PLCG2: variants seen among roughly 807,000 people sequenced by gnomAD.
PLCG2 encodes the protein phospholipase C gamma 2.
A neutral mutation model predicts 175.6 loss-of-function variants in PLCG2; 69 were observed. The ratio of observed to expected loss-of-function variants is 0.39; its 90% CI spans 0.32 to 0.48. PLCG2 has a LOEUF of 0.48. PLCG2 is among the 20% of genes least tolerant of loss of function. The pLI is 0.91. For missense variants in PLCG2, 1,798 were observed against 1,650.9 expected, an observed-to-expected ratio of 1.09 and a Z score of -1.54; for synonymous variants, 827 against 624.0, an observed-to-expected ratio of 1.33 and a Z score of -4.85.
At chr16:81,764,567 C>T (rs779254156) in intron 2 of PLCG2, among the ~76,000 whole-genome samples, 1 of 152,200 alleles carries the variant, frequency 6.6e-6, no homozygotes, top group Non-Finnish European at 1.5e-5. Flanking sequence ...ACCCTCCAGC[C>T]CATGCAGTTG....
intron 2 of PLCG2, chr16:81,767,043 A>G (rs757349138): frequency 6.6e-6 from 1 of 151,736 alleles, no homozygotes; most frequent in Non-Finnish European, 1.5e-5. Context: ...ACTCGTGCAC[A>G]GCTGAGTCTT....
intron 8 of PLCG2, 30 bp downstream of exon 8, chr16:81,880,983 C>A: frequency 6.2e-7 from 1 of 1,610,368 alleles, no homozygotes. Context: ...TCGTTCGGGG[C>A]GGCTGTGCCG....
chr16:81,857,590 T>G (rs750916419), intron 3 of PLCG2, among the ~76,000 whole-genome samples: 1 of 152,094 alleles, frequency 6.6e-6, no homozygotes. Flanking sequence ...TGTGCTCACA[T>G]GGCTTTTCCT....
chr16:81,806,698 G>T (rs1904282802), intron 2 of PLCG2, among the ~76,000 whole-genome samples: 1 of 152,102 alleles, frequency 6.6e-6, no homozygotes, highest in East Asian at 1.9e-4. Context: ...GGATCATGAG[G>T]GTCCAGGTGT....
intron 2 of PLCG2, among the ~76,000 whole-genome samples, chr16:81,802,879 C>A (rs1490123349): frequency 1.3e-5 from 2 of 152,128 alleles, no homozygotes; most frequent in East Asian, 1.9e-4. Flanking sequence ...ACATTGTATA[C>A]CCTATAATGT....
chr16:81,931,938 A>G (rs540785450), intron 25 of PLCG2, among the ~76,000 whole-genome samples: 4 of 152,304 alleles, frequency 2.6e-5, no homozygotes, highest in South Asian at 4.1e-4. Context: ...GCGGCCCTAC[A>G]TATCTTACCA....
rs543220131 is a variant in PLCG2 at position 81,750,663 on chromosome 16, A to ATTTTTTTTTTTTTTTTTT, written c.-144-5202_-144-5185dup. ...TTAAAAAGCAGAATGGGGACTGGAG[A>ATTTTTTTTTTTTTTTTTT]TTTTTTTTTTTTTTTTTTTTTTGAG... On this transcript the variant is annotated intron_variant, in intron 1 of 5. Coordinates refer to the PLCG2 transcript ENST00000565054. Among the ~76,000 whole-genome samples, 73 of 68,450 alleles carry ATTTTTTTTTTTTTTTTTT rather than the reference A, an allele frequency of 1.1e-3. 13 individuals are homozygous for ATTTTTTTTTTTTTTTTTT. The highest frequency in any genetic ancestry group is 1.8e-3 in the East Asian group (3 of 1,624). 44.9% of individuals were successfully genotyped at this position (68,450 alleles called of 152,430 possible).
intron 2 of PLCG2, among the ~76,000 whole-genome samples, chr16:81,805,783 G>GCTGTTTTTTTTTTTTTTTT (rs1911990338): frequency 1.2e-5 from 1 of 82,918 alleles, no homozygotes; most frequent in Non-Finnish European, 2.2e-5. Context: ...TTTTTTTTTT[G>GCTGTTTTTTTTTTTTTTTT]TTTTTTTTTT....
intron 19 of PLCG2, 112 bp downstream of exon 19, chr16:81,912,828 C>A (rs1909689246): frequency 1.5e-6 from 2 of 1,297,684 alleles, no homozygotes; most frequent in South Asian, 1.6e-5. Context: ...CCTGCCCCCC[C>A]AGCATCAGCG....
chr16:81,850,754 C>T (rs915920907), intron 2 of PLCG2, among the ~76,000 whole-genome samples: 3 of 152,144 alleles, frequency 2.0e-5, no homozygotes, highest in African/African-American at 7.2e-5. Flanking sequence ...GAGCTTCTTC[C>T]TGTGTTGCAT....
At chr16:81,787,967 G>T (rs973185455) in intron 2 of PLCG2, among the ~76,000 whole-genome samples, 1 of 152,206 alleles carries the variant, frequency 6.6e-6, no homozygotes, top group Non-Finnish European at 1.5e-5. Flanking sequence ...TCAGTCATCT[G>T]TTGACGGACC....
chr16:81,752,649 A>G (rs568008170), intron 1 of PLCG2, among the ~76,000 whole-genome samples: 1 of 152,324 alleles, frequency 6.6e-6, no homozygotes, highest in East Asian at 1.9e-4. Flanking sequence ...CCAGAACAGA[A>G]TCACTGACCC....
chr16:81,805,998 CTAACTT>C (rs1912005033), intron 2 of PLCG2, among the ~76,000 whole-genome samples: 1 of 151,604 alleles, frequency 6.6e-6, no homozygotes, highest in South Asian at 2.1e-4. Flanking sequence ...AGAGGTGAAA[CTAACTT>C]TATTAATAAA....
intron 5 of PLCG2, among the ~76,000 whole-genome samples, chr16:81,867,165 C>G (rs750596273): frequency 6.6e-6 from 1 of 152,196 alleles, no homozygotes; most frequent in Non-Finnish European, 1.5e-5. Flanking sequence ...TGGACCGTCT[C>G]CAGGGCAGCG....
intron 10 of PLCG2, among the ~76,000 whole-genome samples, chr16:81,890,082 C>A (rs758190001): frequency 1.3e-5 from 2 of 151,952 alleles, no homozygotes; most frequent in Non-Finnish European, 2.9e-5. Context: ...GACCAGTGGG[C>A]GGTCCAGGTA....
intron 23 of PLCG2, 38 bp from the exon 24 acceptor site, chr16:81,928,520 G>A (rs754875546): frequency 1.6e-4 from 216 of 1,336,066 alleles, no homozygotes; most frequent in Non-Finnish European, 2.1e-4. Flanking sequence ...TATTATTCCC[G>A]TTACAACTAA....
intron 31 of PLCG2, among the ~76,000 whole-genome samples, chr16:81,949,278 C>G (rs1046152165): frequency 6.6e-6 from 1 of 152,116 alleles, no homozygotes; most frequent in African/African-American, 2.4e-5. Flanking sequence ...TTCTGAGGGC[C>G]CACTTGGTTG....
intron 9 of PLCG2, 166 bp downstream of exon 9, chr16:81,883,507 C>T (rs1908198005): frequency 6.5e-6 from 4 of 617,984 alleles, no homozygotes; most frequent in South Asian, 1.9e-5. Flanking sequence ...TGCCAGATGC[C>T]AGAGACTTCA....
intron 16 of PLCG2, among the ~76,000 whole-genome samples, chr16:81,908,006 G>A (rs561565860): frequency 6.6e-6 from 1 of 152,322 alleles, no homozygotes; most frequent in African/African-American, 2.4e-5. Flanking sequence ...GCTCTCTAAA[G>A]TGCCTGATTG....
Sources: allele counts gnomAD v4.1 joint callset (sites outside exome capture counted in the v4.1 genomes callset), GRCh38; gene constraint gnomAD v4.1.1; transcripts MANE v1.5; gene names NCBI Gene and HGNC (gene_info 2026-07-23, HGNC 2026-07-21).